The following FMNL2 variants were observed in gnomAD, a reference collection of about 807,000 sequenced individuals.
FMNL2 encodes the protein formin like 2, also known as formin-like protein 2.
A neutral mutation model predicts 130.2 loss-of-function variants in FMNL2; 51 were observed. The observed-to-expected ratio is 0.39, with a 90% confidence interval of 0.31 to 0.49. FMNL2 has a LOEUF of 0.49. Among genes scored for constraint, FMNL2 ranks in the 20% least tolerant of loss-of-function variants. The probability of loss-of-function intolerance (pLI) is 0.85; values close to 1 mark genes in which losing one functional copy is unlikely to be tolerated. For synonymous variants in FMNL2, 465 were observed against 467.1 expected, an observed-to-expected ratio of 1.00 and a Z score of 0.06; for missense variants, 977 against 1,316.2, an observed-to-expected ratio of 0.74 and a Z score of 3.99.
intron 1 of FMNL2, among the ~76,000 whole-genome samples, chr2:152,502,158 G>A (rs1691878570): frequency 6.6e-6 from 1 of 152,194 alleles, no homozygotes; most frequent in South Asian, 2.1e-4. Context: ...GCTTGAGGAT[G>A]TGCTTATCTG....
intron 1 of FMNL2, among the ~76,000 whole-genome samples, chr2:152,495,652 C>CAAAAAAAAAA (rs1491329972): frequency 2.5e-4 from 1 of 3,982 alleles, no homozygotes; most frequent in African/African-American, 5.4e-4. Flanking sequence ...CTCCGTCTCA[C>CAAAAAAAAAA]CAAAAAAAAA....
rs376363069 is a variant in FMNL2 at position 152,420,514 on chromosome 2, G to A, written c.117+84794G>A. Among the ~76,000 whole-genome samples, 36 of 152,244 alleles carry A rather than the reference G, an allele frequency of 2.4e-4. No homozygotes were observed. The East Asian group carries it at 5.8e-3, about 24-fold the overall frequency. On this transcript the variant is annotated intron_variant, in intron 1 of 25. Coordinates refer to ENST00000288670, the MANE Select transcript of FMNL2 (RefSeq NM_052905.4). ...ACTGGCTTTAATAAGGTCTTTCTCC[G>A]AGAATTGTTGCTTATCTTACAAGGC... is the stretch of plus-strand genomic sequence containing the variant.
chr2:152,530,140 T>C (rs1300110209), intron 2 of FMNL2, among the ~76,000 whole-genome samples: 4 of 152,210 alleles, frequency 2.6e-5, no homozygotes, highest in Non-Finnish European at 5.9e-5. Context: ...TAAAGTAAAG[T>C]TTATCATATG....
intron 1 of FMNL2, among the ~76,000 whole-genome samples, chr2:152,370,339 TC>T (rs1409820368): frequency 5.3e-5 from 8 of 152,250 alleles, no homozygotes; most frequent in Admixed American, 4.6e-4. Flanking sequence ...AGGGCACTAA[TC>T]CCATTCATGA....
intron 1 of FMNL2, among the ~76,000 whole-genome samples, chr2:152,503,672 C>T (rs1579828041): frequency 6.6e-6 from 1 of 152,102 alleles, no homozygotes; most frequent in East Asian, 1.9e-4. Context: ...AACACTGGTG[C>T]AAGATCAAGA....
chr2:152,646,682 T>C (rs533392405), intron 25 of FMNL2, among the ~76,000 whole-genome samples: 167 of 152,280 alleles, frequency 1.1e-3, no homozygotes, highest in Middle Eastern at 0.01. Context: ...ATACAAAAGA[T>C]TCAATTTGGT....
chr2:152,496,229 T>C lies in FMNL2; in HGVS notation c.118-25714T>C, dbSNP rs186383742. 2.0e-5 allele frequency among the ~76,000 whole-genome samples: 3 copies of C among 152,306 alleles called. No individual in the cohort carries two copies. In the East Asian group the frequency reaches 5.8e-4, roughly 29 times the overall value. On this transcript the variant is annotated intron_variant, in intron 1 of 25. Coordinates refer to ENST00000288670, the MANE Select transcript of FMNL2 (RefSeq NM_052905.4). ...TTATGTCTCTCCAGTTTCTTCTAATTTGGAACAGTCAGTCTGTCTTTGTTC... is the reference window on the plus strand; with the variant it reads ...TTATGTCTCTCCAGTTTCTTCTAATCTGGAACAGTCAGTCTGTCTTTGTTC...
At chr2:152,642,482 T>A (rs1173928308) in intron 25 of FMNL2, among the ~76,000 whole-genome samples, 4 of 152,146 alleles carry the variant, frequency 2.6e-5, no homozygotes, top group African/African-American at 7.2e-5. Flanking sequence ...GCACACACAC[T>A]CTGCACAAAT....
chr2:152,503,279 A>G (rs1051887515), intron 1 of FMNL2, among the ~76,000 whole-genome samples: 1 of 152,174 alleles, frequency 6.6e-6, no homozygotes, highest in Non-Finnish European at 1.5e-5. Flanking sequence ...GAAAATTACT[A>G]GGAGGAAACA....
intron 6 of FMNL2, among the ~76,000 whole-genome samples, chr2:152,565,766 T>TATG (rs145513887): frequency 4.1e-4 from 63 of 152,132 alleles, no homozygotes; most frequent in African/African-American, 1.2e-3. Context: ...TTGTTTTTCT[T>TATG]ATGATGATGA....
In FMNL2 at chr2:152,390,490, G is replaced by A. The variant is rs922519338; in HGVS notation, c.117+54770G>A. The A allele has an allele frequency of 1.0e-5, 16 of 1,538,400 alleles. 1 individual carries two copies. The highest frequency in any genetic ancestry group is 4.1e-5 in the African/African-American group (3 of 73,368). ...CTGTCAGACCTGGACAATGAGACTCGCAGCATGGTGGAAAAGATGATGTAT... is the reference window on the plus strand; with the variant it reads ...CTGTCAGACCTGGACAATGAGACTCACAGCATGGTGGAAAAGATGATGTAT... On this transcript the variant is annotated intron_variant, in intron 1 of 25. Transcript: ENST00000288670.
At chr2:152,349,194 T>G (rs1211939636) in intron 1 of FMNL2, among the ~76,000 whole-genome samples, 3 of 152,212 alleles carry the variant, frequency 2.0e-5, no homozygotes, top group African/African-American at 7.2e-5. Context: ...GGCTTGAAGT[T>G]ATATAAGAAG....
At chr2:152,598,113 C>T (rs943363156) in intron 9 of FMNL2, among the ~76,000 whole-genome samples, 6 of 152,150 alleles carry the variant, frequency 3.9e-5, no homozygotes, top group African/African-American at 1.4e-4. Flanking sequence ...CTGCCTCTTG[C>T]GCAGGCCCCA....
At chr2:152,643,196 T>C (rs572843280) in intron 25 of FMNL2, among the ~76,000 whole-genome samples, 2 of 152,306 alleles carry the variant, frequency 1.3e-5, no homozygotes, top group South Asian at 4.1e-4. Flanking sequence ...TTTATCCTCC[T>C]TGGAGTATTT....
chr2:152,538,917 G>T (rs111374268), intron 2 of FMNL2, among the ~76,000 whole-genome samples: 216 of 152,180 alleles, frequency 1.4e-3, no homozygotes, highest in African/African-American at 4.9e-3. Context: ...TATTTTGAAG[G>T]ACTTCAGATG....
At chr2:152,344,551 T>C (rs1188906053) in intron 1 of FMNL2, among the ~76,000 whole-genome samples, 1 of 152,188 alleles carries the variant, frequency 6.6e-6, no homozygotes, top group Non-Finnish European at 1.5e-5. Context: ...TCCTGTTGAA[T>C]GGTAGAGAGA....
chr2:152,560,896 A>C lies in FMNL2; in HGVS notation c.457A>C (p.Ser153Arg). Residue 153 changes from serine (S) to arginine (R), a missense_variant, in exon 6 of 26, where the codon AGT becomes CGT. Ser to Arg is a moderately radical substitution (Grantham distance 110). Around this residue, in one of 4 missense-constraint regions of FMNL2, gnomAD observed 689 missense variants for 995.9 expected, o/e 0.69. Transcript: ENST00000288670. Reference protein sequence around the residue: ...AQYAVTFDFESVESTVESSVD... With the variant: ...AQYAVTFDFERVESTVESSVD... ...CTTTTGTTTTAGTTTTGACTTTGAAAGTGTGGAGAGTACTGTGGAGAGCTC... is the reference window on the plus strand; with the variant it reads ...CTTTTGTTTTAGTTTTGACTTTGAACGTGTGGAGAGTACTGTGGAGAGCTC... 1.2e-6 allele frequency: 2 copies of C among 1,608,990 alleles called. No individual in the cohort carries two copies. Among genetic ancestry groups the C allele is most frequent in the South Asian group, 2.2e-5 (2 of 90,066 alleles).
intron 25 of FMNL2, among the ~76,000 whole-genome samples, chr2:152,646,100 G>A (rs1683527520): frequency 6.6e-6 from 1 of 150,796 alleles, no homozygotes; most frequent in Non-Finnish European, 1.5e-5. Flanking sequence ...GGCCGAGGTG[G>A]GCAAATCTGT....
intron 1 of FMNL2, among the ~76,000 whole-genome samples, chr2:152,497,294 A>G (rs1003560105): frequency 3.9e-5 from 6 of 152,188 alleles, no homozygotes; most frequent in Non-Finnish European, 5.9e-5. Context: ...TTTGCTAACT[A>G]GAATGTAACA....
Sources: allele counts gnomAD v4.1 joint callset (sites outside exome capture counted in the v4.1 genomes callset), GRCh38; gene constraint gnomAD v4.1.1; regional missense constraint gnomAD v4.1.1; transcripts MANE v1.5; gene names NCBI Gene and HGNC (gene_info 2026-07-23, HGNC 2026-07-21).